PDE7B: variants seen among roughly 807,000 people sequenced by gnomAD.
PDE7B encodes 3',5'-cyclic-AMP phosphodiesterase 7B.
Under a neutral mutation model 56.2 loss-of-function variants are expected in PDE7B, and 29 were observed. The observed-to-expected ratio is 0.52, with a 90% CI of 0.38 to 0.70. The LOEUF (loss-of-function observed/expected upper bound fraction) is 0.70. Ranked by LOEUF, PDE7B falls within the 30% of genes least tolerant of loss-of-function variation. The pLI is 0.00. For synonymous variants in PDE7B, 197 were observed against 196.9 expected (o/e 1.00, Z 0.00); for missense variants, 490 against 565.0 (o/e 0.87, Z 1.35).
chr6:135,960,661 A>G (rs757706055), intron 2 of PDE7B, among the ~76,000 whole-genome samples: 5 of 152,220 alleles, frequency 3.3e-5, no homozygotes, highest in African/African-American at 7.2e-5. Context: ...GTGCAGCTCA[A>G]TGAATTTTTA....
At chr6:136,006,957 T>C (rs748873828) in intron 2 of PDE7B, among the ~76,000 whole-genome samples, 1 of 152,206 alleles carries the variant, frequency 6.6e-6, no homozygotes, top group Non-Finnish European at 1.5e-5. Context: ...TGAATAGAAG[T>C]AGAGAAAGAG....
chr6:135,984,306 T>C (rs2128204528), intron 2 of PDE7B, among the ~76,000 whole-genome samples: 1 of 152,308 alleles, frequency 6.6e-6, no homozygotes, highest in East Asian at 1.9e-4. Flanking sequence ...TTTGTTTGTT[T>C]TTTTTGTTTG....
chr6:136,126,501 G>A (rs1030711177), intron 3 of PDE7B, among the ~76,000 whole-genome samples: 3 of 152,132 alleles, frequency 2.0e-5, no homozygotes, highest in Non-Finnish European at 4.4e-5. Flanking sequence ...ATACTTGCAC[G>A]TGTATGTTTA....
At chr6:135,929,541 G>A (rs1323451840) in intron 1 of PDE7B, among the ~76,000 whole-genome samples, 2 of 152,114 alleles carry the variant, frequency 1.3e-5, no homozygotes, top group African/African-American at 2.4e-5. Context: ...CATGAAATAT[G>A]TTACTAAATT....
At chr6:135,967,979 G>T (rs1019282871) in intron 2 of PDE7B, among the ~76,000 whole-genome samples, 1 of 152,190 alleles carries the variant, frequency 6.6e-6, no homozygotes, top group Non-Finnish European at 1.5e-5. Context: ...CTTGGCAAGG[G>T]TACTGTGGCT....
intron 1 of PDE7B, among the ~76,000 whole-genome samples, chr6:135,895,471 A>G (rs892731262): frequency 1.3e-5 from 2 of 152,106 alleles, no homozygotes; most frequent in African/African-American, 4.8e-5. Flanking sequence ...AGCTGCCAAC[A>G]TTGCCGGGTC....
At chr6:135,917,892 G>A (rs2128194907) in intron 1 of PDE7B, among the ~76,000 whole-genome samples, 1 of 152,268 alleles carries the variant, frequency 6.6e-6, no homozygotes, top group African/African-American at 2.4e-5. Flanking sequence ...TGCCCAAGGT[G>A]TCGGTGAGCC....
At chr6:135,933,916 A>G (rs1454949450) in intron 1 of PDE7B, among the ~76,000 whole-genome samples, 2 of 152,186 alleles carry the variant, frequency 1.3e-5, no homozygotes, top group Non-Finnish European at 2.9e-5. Context: ...AAGAGGACCA[A>G]ATATGCCCCT....
chr6:135,909,907 A>G (rs895662406), intron 1 of PDE7B, among the ~76,000 whole-genome samples: 5 of 152,138 alleles, frequency 3.3e-5, no homozygotes, highest in Non-Finnish European at 7.4e-5. Context: ...GACTAGCTCT[A>G]GGCTGAAGAG....
At chr6:135,868,664 T>G (rs1163906583) in intron 1 of PDE7B, among the ~76,000 whole-genome samples, 1 of 152,198 alleles carries the variant, frequency 6.6e-6, no homozygotes, top group Non-Finnish European at 1.5e-5. Flanking sequence ...ACTTCTGATC[T>G]CAGGTGATCT....
At chr6:136,053,472 G>A (rs1776670893) in intron 2 of PDE7B, among the ~76,000 whole-genome samples, 3 of 151,958 alleles carry the variant, frequency 2.0e-5, no homozygotes, top group Non-Finnish European at 2.9e-5. Flanking sequence ...TGGACATTTG[G>A]GTTGGTTCCA....
intron 2 of PDE7B, among the ~76,000 whole-genome samples, chr6:135,978,131 T>C (rs1402512021): frequency 1.3e-5 from 2 of 152,134 alleles, no homozygotes; most frequent in East Asian, 3.9e-4. Flanking sequence ...ACCTGGATGG[T>C]ATAGCCTACT....
intron 2 of PDE7B, among the ~76,000 whole-genome samples, chr6:135,968,452 T>C (rs981645935): frequency 1.3e-5 from 2 of 151,962 alleles, no homozygotes; most frequent in African/African-American, 4.8e-5. Flanking sequence ...TTAAACAAAT[T>C]TGCAAGAAAA....
intron 2 of PDE7B, among the ~76,000 whole-genome samples, chr6:136,040,349 G>A (rs1418344692): frequency 1.3e-5 from 2 of 152,180 alleles, no homozygotes; most frequent in Admixed American, 1.3e-4. Flanking sequence ...ACTGGAATGG[G>A]CATAAAACCT....
intron 1 of PDE7B, among the ~76,000 whole-genome samples, chr6:135,899,524 G>T (rs995752986): frequency 6.6e-6 from 1 of 151,518 alleles, no homozygotes; most frequent in Non-Finnish European, 1.5e-5. Flanking sequence ...TAGTTTTTCT[G>T]TGATTACTTG....
At position 135,885,328 on chromosome 6, in the gene PDE7B, G is replaced by GT. The variant is rs11325233; in HGVS notation, c.21+33324dup. Among the ~76,000 whole-genome samples, 667 of 143,484 alleles carry GT rather than the reference G, an allele frequency of 4.6e-3. 1 individual carries two copies. The highest frequency in any genetic ancestry group is 7.8e-3 in the Non-Finnish European group (503 of 64,872). The allele number at this position is 143,484 out of a possible 152,430, so 94.1% of individuals were successfully genotyped here. On this transcript the variant is annotated intron_variant, in intron 1 of 12. Coordinates refer to ENST00000308191, the MANE Select transcript of PDE7B (RefSeq NM_018945.4). Reference sequence around the variant, plus strand: ...TGTTTTTTGTTGTTGCTTGTTTGTTGTTTTTTTTTTTTTTTATCTCACTGC... The same window carrying GT: ...TGTTTTTTGTTGTTGCTTGTTTGTTGTTTTTTTTTTTTTTTTATCTCACTGC...
rs67667001 is a variant in PDE7B, at chr6:136,134,734, C to CAA, written c.167-12595_167-12594dup. ...TCGTTGGGATGGAGTTTATGGTAGG[C>CAA]AAAAAAAAAAAAAAAAAAAAAAATT... On this transcript the variant is annotated intron_variant, in intron 3 of 12. Transcript: ENST00000308191. 6.7e-3 allele frequency among the ~76,000 whole-genome samples: 614 copies of CAA among 91,246 alleles called. 4 individuals are homozygous for CAA. The highest frequency in any genetic ancestry group is 0.019 in the African/African-American group (456 of 23,620). The allele number at this position is 91,246 out of a possible 152,430, so 59.9% of individuals were successfully genotyped here. A position where few individuals can be genotyped will look rare whatever the true frequency, so the allele number is the denominator to read the frequency against.
intron 1 of PDE7B, among the ~76,000 whole-genome samples, chr6:135,895,566 C>T (rs567879488): frequency 1.2e-3 from 178 of 152,222 alleles, no homozygotes; most frequent in Non-Finnish European, 2.1e-3. Context: ...CAGTGCTGGT[C>T]GGCCTGTAGG....
chr6:136,014,898 G>A (rs1775950740), intron 2 of PDE7B, among the ~76,000 whole-genome samples: 1 of 152,192 alleles, frequency 6.6e-6, no homozygotes, highest in African/African-American at 2.4e-5. Context: ...ACGTCTGGCC[G>A]ATTGCATGTG....
Sources: allele counts gnomAD v4.1 joint callset (sites outside exome capture counted in the v4.1 genomes callset), GRCh38; gene constraint gnomAD v4.1.1; transcripts MANE v1.5; gene names NCBI Gene and HGNC (gene_info 2026-07-23, HGNC 2026-07-21).